GUCA1A: variants seen among roughly 807,000 people sequenced by gnomAD.
GUCA1A encodes guanylate cyclase activator 1A.
In GUCA1A, 14 loss-of-function variants were observed where a neutral mutation model predicts 18.5. The observed-to-expected ratio is 0.76, with a 90% confidence interval of 0.50 to 1.18. The LOEUF (loss-of-function observed/expected upper bound fraction) is 1.18. GUCA1A is among the 50% of genes most tolerant of loss of function. GUCA1A has a pLI of 0.00. For synonymous variants in GUCA1A, 97 were observed against 100.2 expected, an observed-to-expected ratio of 0.97 and a Z score of 0.19; for missense variants, 264 against 262.4, an observed-to-expected ratio of 1.01 and a Z score of -0.04.
At chr6:42,175,600 G>C (rs574206257) in intron 1 of GUCA1A, among the ~76,000 whole-genome samples, 2 of 151,966 alleles carry the variant, frequency 1.3e-5, no homozygotes, top group East Asian at 3.9e-4. Flanking sequence ...CTTGACCTCA[G>C]GTGATCCGCC....
In GUCA1A at chr6:42,179,650, T is replaced by C; in HGVS notation, c.*247T>C. ...CCTTGCTGGGGGGCACTGTTCAACA[T>C]CCCTCTGCCGTCGGGTGACCCCCTA... On this transcript the variant is annotated 3_prime_UTR_variant, in exon 4 of 4. Transcript: ENST00000372958. The C allele has an allele frequency of 2.3e-6, 1 of 427,932 alleles. No individual in the cohort carries two copies. Among genetic ancestry groups the C allele is most frequent in the East Asian group, 3.8e-5 (1 of 26,226 alleles). 26.5% of individuals were successfully genotyped at this position (427,932 alleles called of 1,614,324 possible). A position where few individuals can be genotyped will look rare whatever the true frequency, so the allele number is the denominator to read the frequency against.
chr6:42,175,795 A>AC (rs1767944580), intron 1 of GUCA1A, among the ~76,000 whole-genome samples: 1 of 150,680 alleles, frequency 6.6e-6, no homozygotes, highest in African/African-American at 2.4e-5. Flanking sequence ...TTCCACACAC[A>AC]CCCCCGCCTT....
Position 42,173,555 on chromosome 6 carries a change from C to T in GUCA1A, c.-59C>T, listed in dbSNP as rs1767864337. 1.0e-5 allele frequency: 14 copies of T among 1,403,610 alleles called. No individual in the cohort carries two copies. The highest frequency in any genetic ancestry group is 3.3e-5 in the Admixed American group (2 of 59,704). 86.9% of individuals were successfully genotyped at this position (1,403,610 alleles called of 1,614,324 possible). A position where few individuals can be genotyped will look rare whatever the true frequency, so the allele number is the denominator to read the frequency against. ...CGTTGTCGGCCAAGACACCTTTGGG[C>T]GAGGAGCAGCGAACAGGGCCTGTCC... On this transcript the variant is annotated 5_prime_UTR_variant, in exon 1 of 4. Coordinates refer to ENST00000372958, the MANE Select transcript of GUCA1A (RefSeq NM_001384910.1).
At chr6:42,179,119 A>G (rs975399311) in intron 3 of GUCA1A, 124 bp from the exon 4 acceptor site, 17 of 1,006,056 alleles carry the variant, frequency 1.7e-5, no homozygotes, top group Admixed American at 1.4e-4. Flanking sequence ...CTGCACCCGC[A>G]GCAGGGGCTC....
chr6:42,174,486 C>T (rs1372668448), intron 1 of GUCA1A, among the ~76,000 whole-genome samples: 4 of 152,126 alleles, frequency 2.6e-5, no homozygotes, highest in Admixed American at 2.6e-4. Flanking sequence ...AGGTCCACAC[C>T]GTGGTCAAAT....
chr6:42,173,817 G>C lies in GUCA1A; in HGVS notation c.201+3G>C, dbSNP rs1033016113. The C allele has an allele frequency of 1.2e-6, 2 of 1,610,260 alleles. No individual in the cohort carries two copies. Among genetic ancestry groups the C allele is most frequent in the Non-Finnish European group, 1.7e-6 (2 of 1,176,530 alleles). On this transcript the variant is annotated splice_donor_region_variant and intron_variant, in intron 1 of 3. Transcript: ENST00000372958. ...TTGAGACTTTTGACTTCAACAAGGT[G>C]AGCAGGGGCCCAGTGGCAGGGAGGG...
chr6:42,175,564 T>G lies in GUCA1A; in HGVS notation c.201+1750T>G, dbSNP rs534093117. Among the ~76,000 whole-genome samples, 657 of 151,908 alleles carry G rather than the reference T, an allele frequency of 4.3e-3. 3 individuals are homozygous for G. Among genetic ancestry groups the G allele is most frequent in the African/African-American group, 0.015 (606 of 41,438 alleles). On this transcript the variant is annotated intron_variant, in intron 1 of 3. Coordinates refer to ENST00000372958, the MANE Select transcript of GUCA1A (RefSeq NM_001384910.1). The stretch of plus-strand genomic sequence containing the variant: ...ATTTTTAGTAGAGATGGGGTTTCAC[T>G]ATGTTGGCCAGGCCGGTCTCAAACT...
chr6:42,178,659 C>T (rs778475831), intron 2 of GUCA1A, 143 bp from the exon 3 acceptor site: 2 of 829,830 alleles, frequency 2.4e-6, no homozygotes, highest in Admixed American at 3.4e-5. Context: ...TCTTGAGTCC[C>T]AGCTCTGCCT....
chr6:42,176,209 G>C (rs184783001), intron 1 of GUCA1A, among the ~76,000 whole-genome samples: 1 of 152,004 alleles, frequency 6.6e-6, no homozygotes, highest in African/African-American at 2.4e-5. Context: ...GGAATTTAAT[G>C]GCTAGTTATT....
intron 1 of GUCA1A, among the ~76,000 whole-genome samples, chr6:42,175,619 C>A (rs1431851130): frequency 1.3e-5 from 2 of 152,308 alleles, no homozygotes; most frequent in African/African-American, 4.8e-5. Context: ...CCCACCTCGG[C>A]CTCCCATAGT....
At position 42,173,447 on chromosome 6, in the gene GUCA1A, C is replaced by G. The variant is rs1303402492; in HGVS notation, c.-167C>G. On this transcript the variant is annotated 5_prime_UTR_variant, in exon 1 of 4. Coordinates refer to ENST00000372958, the MANE Select transcript of GUCA1A (RefSeq NM_001384910.1). ...CTTCTTCCTTCTGCTCTCTCCCTCT[C>G]CACATTTCCCGGTACCATCTGATCC... The G allele has an allele frequency of 3.0e-6, 2 of 668,382 alleles. No homozygotes were observed. Among genetic ancestry groups the G allele is most frequent in the South Asian group, 3.2e-5 (2 of 61,676 alleles). The allele number at this position is 668,382 out of a possible 1,614,324, so 41.4% of individuals were successfully genotyped here.
intron 2 of GUCA1A, 147 bp from the exon 3 acceptor site, chr6:42,178,655 G>T: frequency 3.6e-6 from 3 of 824,716 alleles, no homozygotes; most frequent in Non-Finnish European, 6.4e-6. Context: ...TGACTCTTGA[G>T]TCCCAGCTCT....
intron 3 of GUCA1A, 117 bp from the exon 4 acceptor site, chr6:42,179,126 G>A: frequency 1.9e-6 from 2 of 1,029,066 alleles, no homozygotes; most frequent in Non-Finnish European, 3.1e-6. Context: ...CGCAGCAGGG[G>A]CTCTGACTTC....
At chr6:42,178,934 A>G (rs1768037889) in intron 3 of GUCA1A, 39 bp downstream of exon 3, 1 of 1,460,610 alleles carries the variant, frequency 6.8e-7, no homozygotes, top group African/African-American at 1.4e-5. Context: ...CGGAGGGGTC[A>G]CCATGGATGT....
rs200718990 is a variant in GUCA1A at position 42,179,433 on chromosome 6, G to A, written c.*30G>A. 4.6e-6 allele frequency: 7 copies of A among 1,530,968 alleles called. No individual in the cohort carries two copies. Among genetic ancestry groups the A allele is most frequent in the East Asian group, 4.8e-5 (2 of 41,994 alleles). 94.8% of individuals were successfully genotyped at this position (1,530,968 alleles called of 1,614,324 possible). A position where few individuals can be genotyped will look rare whatever the true frequency, so the allele number is the denominator to read the frequency against. On this transcript the variant is annotated 3_prime_UTR_variant, in exon 4 of 4. Coordinates refer to ENST00000372958, the MANE Select transcript of GUCA1A (RefSeq NM_001384910.1). ...ACCGCCCGGCTGCTTCTGCACTAGC[G>A]GGTGGGGTGGTATGGTGGTGCCTGT...
chr6:42,179,571 G>A lies in GUCA1A; in HGVS notation c.*168G>A. On this transcript the variant is annotated 3_prime_UTR_variant, in exon 4 of 4. Coordinates refer to ENST00000372958, the MANE Select transcript of GUCA1A (RefSeq NM_001384910.1). ...AGGCAGAAGTGGGAGTCCAGAGCCA[G>A]GAACAGTGAAGGATGGTTCCTGGCC... The A allele has an allele frequency of 5.0e-6, 3 of 599,104 alleles. No homozygotes were observed. Among genetic ancestry groups the A allele is most frequent in the South Asian group, 4.6e-5 (2 of 43,322 alleles). The allele number at this position is 599,104 out of a possible 1,614,324, so 37.1% of individuals were successfully genotyped here.
chr6:42,173,832 G>A lies in GUCA1A; in HGVS notation c.201+18G>A. 6.3e-7 allele frequency: 1 copy of A among 1,590,946 alleles called. No individual in the cohort carries two copies. The highest frequency in any genetic ancestry group is 8.6e-7 in the Non-Finnish European group (1 of 1,159,004). Reference sequence around the variant, plus strand: ...TCAACAAGGTGAGCAGGGGCCCAGTGGCAGGGAGGGGAAGTGCTGGAGGGA... The same window carrying A: ...TCAACAAGGTGAGCAGGGGCCCAGTAGCAGGGAGGGGAAGTGCTGGAGGGA... On this transcript the variant is annotated intron_variant, in intron 1 of 3. Coordinates refer to ENST00000372958, the MANE Select transcript of GUCA1A (RefSeq NM_001384910.1).
At chr6:42,175,612 A>G (rs1767938374) in intron 1 of GUCA1A, among the ~76,000 whole-genome samples, 1 of 151,882 alleles carries the variant, frequency 6.6e-6, no homozygotes, top group Non-Finnish European at 1.5e-5. Context: ...TGATCCGCCC[A>G]CCTCGGCCTC....
chr6:42,178,207 T>C (rs1768007673), intron 1 of GUCA1A, 73 bp from the exon 2 acceptor site: 1 of 1,567,804 alleles, frequency 6.4e-7, no homozygotes, highest in Admixed American at 1.7e-5. Context: ...AGCCTTGGGT[T>C]ATGATGGGCG....
Sources: gnomAD v4.1 joint callset for allele counts (sites outside exome capture counted in the v4.1 genomes callset) on GRCh38, gnomAD v4.1.1 for gene constraint, MANE v1.5 for transcripts, NCBI Gene and HGNC (gene_info 2026-07-23, HGNC 2026-07-21) for gene names.